Variants in SECISBP2L observed in about 807,000 individuals in gnomAD.
The protein encoded by SECISBP2L is selenocysteine insertion sequence-binding protein 2-like.
A neutral mutation model predicts 114.7 loss-of-function variants in SECISBP2L; 43 were observed. The observed-to-expected ratio is 0.38, with a 90% CI of 0.29 to 0.48. The LOEUF is 0.48. SECISBP2L is among the 20% of genes least tolerant of loss of function. The probability of loss-of-function intolerance (pLI) is 0.98; values close to 1 mark genes in which losing one functional copy is unlikely to be tolerated. For synonymous variants in SECISBP2L, 451 were observed against 439.7 expected, an observed-to-expected ratio of 1.03 and a Z score of -0.32; for missense variants, 1,136 against 1,301.1, an observed-to-expected ratio of 0.87 and a Z score of 1.95.
chr15:49,028,353 G>A (rs952206807), intron 5 of SECISBP2L, 100 bp downstream of exon 5: 6 of 1,147,202 alleles, frequency 5.2e-6, no homozygotes, highest in Non-Finnish European at 7.6e-6. Flanking sequence ...ATTACTACAG[G>A]AATTGCTAAT....
intron 4 of SECISBP2L, among the ~76,000 whole-genome samples, chr15:49,029,644 G>C (rs1902841504): frequency 1.3e-5 from 2 of 152,156 alleles, no homozygotes; most frequent in African/African-American, 4.8e-5. Context: ...ATGCATATAT[G>C]CATATGTAAG....
chr15:49,035,318 A>T lies in SECISBP2L; in HGVS notation c.528+16T>A. 2 of 1,603,790 alleles carry T rather than the reference A, an allele frequency of 1.2e-6. No homozygotes were observed. Among genetic ancestry groups the T allele is most frequent in the Non-Finnish European group, 1.7e-6 (2 of 1,174,668 alleles). On this transcript the variant is annotated intron_variant, in intron 3 of 17. Coordinates refer to ENST00000559471, the MANE Select transcript of SECISBP2L (RefSeq NM_001193489.2). The stretch of plus-strand genomic sequence containing the variant: ...GTAATATCAAATTTAAAAGCCAATC[A>T]AGACCAGACACTTACTTTTGGGACC...
chr15:49,035,473 TA>T lies in SECISBP2L; in HGVS notation c.388del (p.Tyr130ThrfsTer11). On this transcript the variant is annotated frameshift_variant, in exon 3 of 18. Coordinates refer to ENST00000559471, the MANE Select transcript of SECISBP2L (RefSeq NM_001193489.2). LOFTEE classifies it high-confidence loss of function. ...ATTTGCAGCCTGAAAGGTGTTGGAGTAAGGTGTAGGAAAAGGATGATAGAAA... is the reference window on the plus strand; with the variant it reads ...ATTTGCAGCCTGAAAGGTGTTGGAGTAGGTGTAGGAAAAGGATGATAGAAA... Reference protein sequence around the residue: ...MGFYHPFPTPYSNTFQAANTV... With the variant: ...MGFYHPFPTPXSNTFQAANTV... 6.2e-7 allele frequency: 1 copy of T among 1,613,966 alleles called. No homozygotes were observed. The highest frequency in any genetic ancestry group is 8.5e-7 in the Non-Finnish European group (1 of 1,179,968).
chr15:49,019,537 G>T lies in SECISBP2L; in HGVS notation c.1051C>A (p.Arg351=). ...CTTTCTGAGGAAGTACTGTGTCCTC[G>T]GCATCTGAATCCAACCTAAGTAAAC... ...RNNSQVGFRC[R]GHSTSSERRQ... The change falls in exon 8 of 18, where the codon CGA becomes AGA. Residue 351 remains arginine, a synonymous_variant. Transcript: ENST00000559471. 1.3e-6 allele frequency: 2 copies of T among 1,482,092 alleles called. No homozygotes were observed. Among genetic ancestry groups the T allele is most frequent in the Non-Finnish European group, 1.8e-6 (2 of 1,126,950 alleles). 91.8% of individuals were successfully genotyped at this position (1,482,092 alleles called of 1,614,324 possible). A position where few individuals can be genotyped will look rare whatever the true frequency, so the allele number is the denominator to read the frequency against.
chr15:48,996,463 G>A lies in SECISBP2L; in HGVS notation c.2527C>T (p.His843Tyr). 4 of 1,614,052 alleles carry A rather than the reference G, an allele frequency of 2.5e-6. No individual in the cohort carries two copies. Among genetic ancestry groups the A allele is most frequent in the Non-Finnish European group, 3.4e-6 (4 of 1,179,982 alleles). ...ALKNVKKVPHHMGHSRNPSAA... is the reference protein window; with the variant it reads ...ALKNVKKVPHYMGHSRNPSAA... ...GAGGGATTCCGAGAATGTCCCATGTGGTGTGGTACCTTCTTCACATTCTTT... is the reference window on the plus strand; with the variant it reads ...GAGGGATTCCGAGAATGTCCCATGTAGTGTGGTACCTTCTTCACATTCTTT... Residue 843 changes from histidine to tyrosine, a missense_variant, in exon 17 of 18, where the codon CAC becomes TAC. His to Tyr is a moderately conservative substitution (Grantham distance 83). Transcript: ENST00000559471.
chr15:49,040,118 T>C, intron 1 of SECISBP2L, among the ~76,000 whole-genome samples: 1 of 152,194 alleles, frequency 6.6e-6, no homozygotes, highest in Admixed American at 6.5e-5. Context: ...CATTTGTACT[T>C]CATAGAAAGT....
intron 14 of SECISBP2L, among the ~76,000 whole-genome samples, chr15:49,007,204 G>A (rs1038305809): frequency 6.6e-6 from 1 of 152,128 alleles, no homozygotes; most frequent in African/African-American, 2.4e-5. Flanking sequence ...AATGCCAGTG[G>A]AGCTGCCCTG....
chr15:48,992,764 G>C lies in SECISBP2L; in HGVS notation c.2786C>G (p.Thr929Ser), dbSNP rs1286540056. ...KQPSLVATGS[T>S]TSATSAGKST... ...TTTCCCAGCACTTGTAGCTGAGGTA[G>C]TACTGCCTGTAGCCACTAATGATGG... The change falls in exon 18 of 18, where the codon ACT becomes AGT. Residue 929 changes from threonine (T) to serine (S), a missense_variant. By Grantham distance (58) the Thr-to-Ser change is moderately conservative. Around this residue, in one of 2 missense-constraint regions of SECISBP2L, gnomAD observed 684 missense variants for 848.7 expected, o/e 0.81. Coordinates refer to ENST00000559471, the MANE Select transcript of SECISBP2L (RefSeq NM_001193489.2). 1 of 1,614,046 alleles carries C rather than the reference G, an allele frequency of 6.2e-7. No individual in the cohort carries two copies. The highest frequency in any genetic ancestry group is 1.3e-5 in the African/African-American group (1 of 74,908).
Position 48,992,428 on chromosome 15 carries a change from T to C in SECISBP2L, c.3122A>G (p.Glu1041Gly), listed in dbSNP as rs757907674. The C allele has an allele frequency of 6.2e-7, 1 of 1,614,234 alleles. No homozygotes were observed. Among genetic ancestry groups the C allele is most frequent in the Non-Finnish European group, 8.5e-7 (1 of 1,180,044 alleles). The change falls in exon 18 of 18, where the codon GAG becomes GGG. Residue 1041 changes from glutamate to glycine, a missense_variant. By Grantham distance (98) the Glu-to-Gly change is moderately conservative (BLOSUM62 -2). Coordinates refer to ENST00000559471, the MANE Select transcript of SECISBP2L (RefSeq NM_001193489.2). ...TCCACTTTGCTCTACATTGTCTTCCTCAGAACCATTAAGGGTTTTTCCAAG... is the reference window on the plus strand; with the variant it reads ...TCCACTTTGCTCTACATTGTCTTCCCCAGAACCATTAAGGGTTTTTCCAAG... Reference protein sequence around the residue: ...LQLGKTLNGSEEDNVEQSGEE... With the variant: ...LQLGKTLNGSGEDNVEQSGEE...
intron 7 of SECISBP2L, among the ~76,000 whole-genome samples, chr15:49,024,644 A>G (rs117097567): frequency 2.8e-4 from 43 of 152,288 alleles, no homozygotes; most frequent in African/African-American, 6.3e-4. Context: ...ATGCCCTGAA[A>G]TATTATATTA....
At position 49,028,658 on chromosome 15, in the gene SECISBP2L, T is replaced by G; in HGVS notation, c.689A>C (p.Lys230Thr). ...QTDFPSDIANKSLSETTATML... is the reference protein window; with the variant it reads ...QTDFPSDIANTSLSETTATML... ...TGTTGCAGTGGTCTCTGAGAGAGAC[T>G]TGTTAGCGATATCTGATGGGAAATC... Residue 230 changes from lysine (K) to threonine (T), a missense_variant, in exon 5 of 18, where the codon AAG becomes ACG. By Grantham distance (78) the Lys-to-Thr change is moderately conservative. Coordinates refer to ENST00000559471, the MANE Select transcript of SECISBP2L (RefSeq NM_001193489.2). 1 of 1,614,114 alleles carries G rather than the reference T, an allele frequency of 6.2e-7. No homozygotes were observed.
Position 49,001,077 on chromosome 15 carries a change from C to T in SECISBP2L, c.2048G>A (p.Cys683Tyr). ...RFREYCNQVL[C>Y]KEIDECVTLL... is the part of the protein sequence containing the mutation. The stretch of plus-strand genomic sequence containing the variant: ...AGTCACACATTCATCAATCTCTTTA[C>T]AAAGAACCTGATTACAATACCTGTA... Residue 683 changes from cysteine to tyrosine, a missense_variant, in exon 15 of 18, where the codon TGT becomes TAT. Physicochemically the swap from Cys to Tyr is radical, Grantham distance 194 (BLOSUM62 -2). Around this residue, in one of 2 missense-constraint regions of SECISBP2L, gnomAD observed 684 missense variants for 848.7 expected, o/e 0.81. Coordinates refer to ENST00000559471, the MANE Select transcript of SECISBP2L (RefSeq NM_001193489.2). 6.2e-7 allele frequency: 1 copy of T among 1,610,826 alleles called. No individual in the cohort carries two copies. Among genetic ancestry groups the T allele is most frequent in the Non-Finnish European group, 8.5e-7 (1 of 1,179,016 alleles).
At chr15:49,041,777 T>C (rs563854312) in intron 1 of SECISBP2L, among the ~76,000 whole-genome samples, 3 of 152,316 alleles carry the variant, frequency 2.0e-5, no homozygotes, top group South Asian at 2.1e-4. Flanking sequence ...ATTCTTTCTA[T>C]GTTAAGGTAA....
chr15:49,012,917 G>T, intron 11 of SECISBP2L, 100 bp from the exon 12 acceptor site: 1 of 1,196,128 alleles, frequency 8.4e-7, no homozygotes, highest in Non-Finnish European at 1.2e-6. Context: ...TCCTCCCATG[G>T]AAAAAACGAC....
chr15:49,009,564 C>A (rs937517254), intron 13 of SECISBP2L, among the ~76,000 whole-genome samples, 186 bp from the exon 14 acceptor site: 1 of 152,106 alleles, frequency 6.6e-6, no homozygotes, highest in Non-Finnish European at 1.5e-5. Context: ...AAATTAAATT[C>A]TCCTATTGTC....
intron 7 of SECISBP2L, among the ~76,000 whole-genome samples, chr15:49,024,936 C>G (rs1280361242): frequency 6.6e-6 from 1 of 152,130 alleles, no homozygotes; most frequent in African/African-American, 2.4e-5. Context: ...TTTTAACATT[C>G]CTCATCAAGT....
intron 16 of SECISBP2L, among the ~76,000 whole-genome samples, chr15:48,997,934 C>T (rs1479325743): frequency 6.6e-6 from 1 of 152,064 alleles, no homozygotes. Context: ...AACCATGATA[C>T]CGAATGATGT....
At chr15:49,045,017 TTTAAA>T (rs1903213368) in intron 1 of SECISBP2L, among the ~76,000 whole-genome samples, 1 of 152,176 alleles carries the variant, frequency 6.6e-6, no homozygotes, top group African/African-American at 2.4e-5. Flanking sequence ...CAAAAATGTT[TTTAAA>T]TTAAACTAGA....
intron 17 of SECISBP2L, among the ~76,000 whole-genome samples, 174 bp from the exon 18 acceptor site, chr15:48,993,100 A>AGAGAGTGC (rs772299775): frequency 1.4e-5 from 2 of 139,130 alleles, no homozygotes; most frequent in African/African-American, 5.7e-5. Flanking sequence ...ACAGAGAGAG[A>AGAGAGTGC]GTGTGTGTGT....
Sources: gnomAD v4.1 joint callset for allele counts (sites outside exome capture counted in the v4.1 genomes callset) on GRCh38, gnomAD v4.1.1 for gene constraint, gnomAD v4.1.1 regional missense constraint, MANE v1.5 for transcripts, NCBI Gene and HGNC (gene_info 2026-07-23, HGNC 2026-07-21) for gene names.